Variants in PFKFB3 observed in about 807,000 individuals in gnomAD.
PFKFB3 encodes 6-phosphofructo-2-kinase/fructose-2,6-biphosphatase 3, also known as 6-phosphofructo-2-kinase/fructose-2,6-bisphosphatase 3.
Under a neutral mutation model 68.0 loss-of-function variants are expected in PFKFB3, and 33 were observed. The observed-to-expected ratio is 0.49, with a 90% confidence interval of 0.37 to 0.65. PFKFB3 has a LOEUF of 0.65. PFKFB3 is among the 30% of genes least tolerant of loss of function. The probability of loss-of-function intolerance (pLI) is 0.00; values close to 1 mark genes in which losing one functional copy is unlikely to be tolerated. For missense variants in PFKFB3, 586 were observed against 712.2 expected, an observed-to-expected ratio of 0.82 and a Z score of 2.02; for synonymous variants, 315 against 288.2, an observed-to-expected ratio of 1.09 and a Z score of -0.94.
Position 6,228,201 on chromosome 10 carries a change from G to A in PFKFB3, c.1515+1836G>A. On this transcript the variant is annotated intron_variant, in intron 14 of 14. Transcript: ENST00000379775. The surrounding 1 kb of genome is among the most constrained non-coding windows in gnomAD (Gnocchi z 4.5). ...TCTCTGCTTCTCCTCCGCAGCCTTT[G>A]CTAGGGCAAGCCTGTCTGTAAGTAT... 6.2e-7 allele frequency: 1 copy of A among 1,612,750 alleles called. No individual in the cohort carries two copies. Among genetic ancestry groups the A allele is most frequent in the Non-Finnish European group, 8.5e-7 (1 of 1,179,866 alleles).
chr10:6,216,001 A>T, intron 3 of PFKFB3, 124 bp from the exon 4 acceptor site: 1 of 929,330 alleles, frequency 1.1e-6, no homozygotes, highest in Non-Finnish European at 1.7e-6. Flanking sequence ...CAGCCTGCCC[A>T]GCGCTAAGCA....
Position 6,220,211 on chromosome 10 carries a change from A to G in PFKFB3, c.624-447A>G, listed in dbSNP as rs1373215351. On this transcript the variant is annotated intron_variant, in intron 7 of 14. Coordinates refer to ENST00000379775, the MANE Select transcript of PFKFB3 (RefSeq NM_004566.4). This position sits in a 1 kb window ranked among gnomAD's most constrained non-coding sequence, Gnocchi z 4.1. ...CAAACTTCTGGGCTCAAGTAATCCT[A>G]CCGCCTCAGCCTCATGAGTAACTGG... Among the ~76,000 whole-genome samples the G allele has an allele frequency of 6.9e-6, 1 of 145,492 alleles. No individual in the cohort carries two copies. The highest frequency in any genetic ancestry group is 3.5e-3 in the Middle Eastern group (1 of 284).
the PFKFB3 span, among the ~76,000 whole-genome samples, chr10:6,261,113 G>A: frequency 3.3e-5 from 5 of 152,250 alleles, no homozygotes; most frequent in South Asian, 8.3e-4. Context: ...ATCTCTTCAC[G>A]ATTTTAATTT....
At chr10:6,218,675 T>G (rs1288180650) in intron 6 of PFKFB3, among the ~76,000 whole-genome samples, 1 of 152,148 alleles carries the variant, frequency 6.6e-6, no homozygotes, top group African/African-American at 2.4e-5. Flanking sequence ...TCAAGTGATC[T>G]GCTTGCCTTG....
chr10:6,252,981 C>T (rs904167619), intron 14 of PFKFB3, among the ~76,000 whole-genome samples: 9 of 152,134 alleles, frequency 5.9e-5, no homozygotes, highest in Admixed American at 1.3e-4. Context: ...TGCAGTGGCG[C>T]GATGTCAGCT....
intron 1 of PFKFB3, among the ~76,000 whole-genome samples, chr10:6,204,816 C>T (rs570166850): frequency 1.2e-4 from 18 of 152,278 alleles, no homozygotes; most frequent in Non-Finnish European, 2.5e-4. Flanking sequence ...AGTATTATCT[C>T]TATAGCACTT....
intron 14 of PFKFB3, chr10:6,231,416 T>C: frequency 6.4e-7 from 1 of 1,571,454 alleles, no homozygotes; most frequent in Non-Finnish European, 8.6e-7. Context: ...TCTGTCTCCA[T>C]GCCGAGGTTG....
chr10:6,303,434 A>G, the PFKFB3 span, among the ~76,000 whole-genome samples: 1 of 152,228 alleles, frequency 6.6e-6, no homozygotes, highest in East Asian at 1.9e-4. Context: ...TACAATTTTT[A>G]TTAGTTTAAG....
rs901602635 is a variant in PFKFB3 at position 6,223,995 on chromosome 10, C to T, written c.1251C>T (p.Val417=). ...ACCTGAAATGCCCTCTTCACACCGT[C>T]CTGAAACTGACGCCTGTCGCTTATG... ...MPYLKCPLHT[V]LKLTPVAYGC... is the part of the protein sequence containing the mutation. Residue 417 remains valine (V), a synonymous_variant, in exon 12 of 15, where the codon GTC becomes GTT. Coordinates refer to ENST00000379775, the MANE Select transcript of PFKFB3 (RefSeq NM_004566.4). 1 of 1,614,214 alleles carries T rather than the reference C, an allele frequency of 6.2e-7. No homozygotes were observed. The highest frequency in any genetic ancestry group is 1.7e-5 in the Admixed American group (1 of 60,026).
intron 1 of PFKFB3, among the ~76,000 whole-genome samples, chr10:6,174,290 G>A (rs937732186): frequency 1.3e-5 from 2 of 152,198 alleles, no homozygotes; most frequent in Non-Finnish European, 2.9e-5. Context: ...AGCAGACATC[G>A]TGACCTTTCC....
intron 1 of PFKFB3, among the ~76,000 whole-genome samples, chr10:6,211,607 C>T (rs1012720352): frequency 6.6e-6 from 1 of 152,166 alleles, no homozygotes; most frequent in Non-Finnish European, 1.5e-5. Flanking sequence ...CTCCGTGTGC[C>T]CCTGGGGACA....
At chr10:6,324,589 G>A in the PFKFB3 span, among the ~76,000 whole-genome samples, 1 of 151,998 alleles carries the variant, frequency 6.6e-6, no homozygotes, top group African/African-American at 2.4e-5. Flanking sequence ...ACCACGACCA[G>A]CTAATACTTT....
At chr10:6,240,525 A>G (rs1372589988), downstream of PFKFB3, among the ~76,000 whole-genome samples, 2 of 152,090 alleles carry the variant, frequency 1.3e-5, no homozygotes, top group Admixed American at 1.3e-4. Context: ...CAGCCTCACA[A>G]TGTGCTGGGA....
intron 1 of PFKFB3, chr10:6,163,824 C>T (rs991341920): frequency 4.0e-5 from 6 of 151,898 alleles, no homozygotes; most frequent in Non-Finnish European, 8.8e-5. Flanking sequence ...TGTCGCGCGC[C>T]CTCCCGGCGT....
intron 1 of PFKFB3, among the ~76,000 whole-genome samples, chr10:6,165,158 C>T (rs1233129997): frequency 6.6e-6 from 1 of 152,214 alleles, no homozygotes; most frequent in Non-Finnish European, 1.5e-5. Flanking sequence ...GAGGTCCCTG[C>T]AGCCTTCTGC....
chr10:6,281,166 CATATA>C, the PFKFB3 span, among the ~76,000 whole-genome samples: 24 of 84,564 alleles, frequency 2.8e-4, 5 homozygotes, highest in South Asian at 3.1e-3. Flanking sequence ...AGTATTCCAT[CATATA>C]TATATATATA....
the PFKFB3 span, among the ~76,000 whole-genome samples, chr10:6,264,675 A>G: frequency 6.6e-6 from 1 of 152,240 alleles, no homozygotes; most frequent in African/African-American, 2.4e-5. Context: ...GTTTTTCAAC[A>G]TTTAACAAAA....
At chr10:6,221,807 TG>T (rs2131986827) in intron 10 of PFKFB3, 62 bp downstream of exon 10, 2 of 1,153,642 alleles carry the variant, frequency 1.7e-6, no homozygotes, top group Non-Finnish European at 1.3e-6. Flanking sequence ...TGTGCAGGGC[TG>T]GGCCACCCCT....
At chr10:6,323,922 A>G in the PFKFB3 span, among the ~76,000 whole-genome samples, 44 of 152,224 alleles carry the variant, frequency 2.9e-4, no homozygotes, top group African/African-American at 1.0e-3. Context: ...ACCCCAAAGT[A>G]TTGAGAGCAG....
Sources: allele counts gnomAD v4.1 joint callset (sites outside exome capture counted in the v4.1 genomes callset), GRCh38; gene constraint gnomAD v4.1.1; non-coding constraint Gnocchi (gnomAD v3.1); transcripts MANE v1.5; gene names NCBI Gene and HGNC (gene_info 2026-07-23, HGNC 2026-07-21).